The following FBN3 variants were observed in gnomAD, a reference collection of about 807,000 sequenced individuals.
FBN3 encodes fibrillin 3.
Under a neutral mutation model 330.1 loss-of-function variants are expected in FBN3, and 234 were observed. The ratio of observed to expected loss-of-function variants is 0.71; its 90% CI spans 0.64 to 0.79. The LOEUF (loss-of-function observed/expected upper bound fraction) is 0.79. Among genes scored for constraint, FBN3 ranks in the 30% least tolerant of loss-of-function variants. The pLI, the probability that FBN3 is intolerant of heterozygous loss-of-function variation, is 0.00. For synonymous variants in FBN3, 1,458 were observed against 1,517.3 expected, an observed-to-expected ratio of 0.96 and a Z score of 0.91; for missense variants, 3,606 against 3,886.9, an observed-to-expected ratio of 0.93 and a Z score of 1.92.
intron 10 of FBN3, 88 bp from the exon 11 acceptor site, chr19:8,136,619 C>G: frequency 6.4e-7 from 1 of 1,551,812 alleles, no homozygotes; most frequent in Non-Finnish European, 8.8e-7. Context: ...GGCCCAGATA[C>G]CCCCTCTAAG....
Position 8,095,392 on chromosome 19 carries a change from T to A in FBN3, c.5768A>T (p.Asp1923Val). 6.2e-7 allele frequency: 1 copy of A among 1,613,668 alleles called. No individual in the cohort carries two copies. The highest frequency in any genetic ancestry group is 8.5e-7 in the Non-Finnish European group (1 of 1,179,696). Residue 1923 changes from aspartate (D) to valine (V), a missense_variant, in exon 46 of 64, where the codon GAT (aspartate) becomes GTT (valine). Physicochemically the swap from Asp to Val is radical, Grantham distance 152 (BLOSUM62 -3). Coordinates refer to ENST00000600128, the MANE Select transcript of FBN3 (RefSeq NM_032447.5). The part of the protein sequence containing the change: ...LCQDGFELTA[D>V]GKNCVDTNEC... Reference sequence around the variant, plus strand: ...AGACTCACCCACACAGTTCTTCCCATCAGCTGTGAGCTCAAAGCCATCCTG... The same window carrying A: ...AGACTCACCCACACAGTTCTTCCCAACAGCTGTGAGCTCAAAGCCATCCTG...
At chr19:8,145,092 G>T in intron 5 of FBN3, 120 bp from the exon 6 acceptor site, 1 of 898,572 alleles carries the variant, frequency 1.1e-6, no homozygotes, top group Non-Finnish European at 1.7e-6. Context: ...ATAAGACTGA[G>T]GCTGAGCTGA....
Position 8,145,187 on chromosome 19 carries a change from AATATAG to A in FBN3, c.446-221_446-216del, listed in dbSNP as rs539271235. On this transcript the variant is annotated intron_variant, in intron 5 of 63. Transcript: ENST00000600128. ...TCAGGGGTTCGAGACCAGCCTGTCC[AATATAG>A]TGAAACCCCATCTTTACTAAAAATA... Among the ~76,000 whole-genome samples, 103 of 152,208 alleles carry A rather than the reference AATATAG, an allele frequency of 6.8e-4. 1 individual carries two copies. Among genetic ancestry groups the A allele is most frequent in the Non-Finnish European group, 1.1e-3 (72 of 68,002 alleles).
chr19:8,065,681 G>A lies in FBN3; in HGVS notation c.*238C>T, dbSNP rs1432016077. The A allele has an allele frequency of 2.7e-5, 14 of 517,330 alleles. No homozygotes were observed. In the East Asian group the frequency reaches 4.4e-4, roughly 16 times the overall value. The allele number at this position is 517,330 out of a possible 1,614,324, so 32.0% of individuals were successfully genotyped here. On this transcript the variant is annotated 3_prime_UTR_variant, in exon 64 of 64. Coordinates refer to ENST00000600128, the MANE Select transcript of FBN3 (RefSeq NM_032447.5). The stretch of plus-strand genomic sequence containing the variant: ...TCCTGACCTTGGCTGTGGGGGCAGG[G>A]GGATTGCACATTGCAGCTTCTTGCT...
At position 8,144,968 on chromosome 19, in the gene FBN3, G is replaced by A. The variant is rs767835948; in HGVS notation, c.450C>T (p.Ile150=). 9 of 1,608,620 alleles carry A rather than the reference G, an allele frequency of 5.6e-6. No individual in the cohort carries two copies. The African/African-American group carries it at 1.1e-4, about 19-fold the overall frequency. The change falls in exon 6 of 64, where the codon ATC becomes ATT. Residue 150 remains isoleucine (I), a synonymous_variant. Coordinates refer to ENST00000600128, the MANE Select transcript of FBN3 (RefSeq NM_032447.5). ...GYTGTVCGQP[I]CDRGCHNGGR... ...CCCCATTGTGGCAGCCGCGGTCACA[G>A]ATGGCTGTGGAGGAGAGAGGGTGAT...
chr19:8,099,273 T>C (rs1311978182), intron 41 of FBN3, among the ~76,000 whole-genome samples: 3 of 129,644 alleles, frequency 2.3e-5, no homozygotes, highest in African/African-American at 8.5e-5. Context: ...TTGTCATGGT[T>C]TGATTTTTTT....
rs1243325732 is a variant in FBN3 at position 8,081,481 on chromosome 19, C to G, written c.7214-1G>C. On this transcript the variant is annotated splice_acceptor_variant, in intron 57 of 63. Transcript: ENST00000600128. LOFTEE classifies it high-confidence loss of function. ...GGGACCTGGCTGCACTCATCCATAT[C>G]TGGGGAAGGACAGCGTGGGTAGTGG... 6.2e-7 allele frequency: 1 copy of G among 1,601,586 alleles called. No individual in the cohort carries two copies. The highest frequency in any genetic ancestry group is 2.2e-5 in the East Asian group (1 of 44,768).
At chr19:8,070,810 G>C (rs1427890557) in intron 63 of FBN3, among the ~76,000 whole-genome samples, 11 of 152,052 alleles carry the variant, frequency 7.2e-5, no homozygotes, top group Non-Finnish European at 1.5e-4. Flanking sequence ...ATCACCTGAG[G>C]TCAGGAGTTC....
intron 59 of FBN3, among the ~76,000 whole-genome samples, chr19:8,080,760 C>T (rs1488496463): frequency 6.6e-6 from 1 of 152,118 alleles, no homozygotes; most frequent in Non-Finnish European, 1.5e-5. Context: ...GCTGGGATTA[C>T]AGGCACCTGC....
Position 8,065,723 on chromosome 19 carries a change from G to A in FBN3, c.*196C>T, listed in dbSNP as rs1311478206. On this transcript the variant is annotated 3_prime_UTR_variant, in exon 64 of 64. Coordinates refer to ENST00000600128, the MANE Select transcript of FBN3 (RefSeq NM_032447.5). ...CTTCTTGCTGTCTCCAGGAAAGACT[G>A]AGTAACTGGGGGGCCCCCGGGGCTG... The A allele has an allele frequency of 8.7e-6, 5 of 573,500 alleles. No individual in the cohort carries two copies. Among genetic ancestry groups the A allele is most frequent in the South Asian group, 2.4e-5 (1 of 41,728 alleles). The allele number at this position is 573,500 out of a possible 1,614,324, so 35.5% of individuals were successfully genotyped here. A position where few individuals can be genotyped will look rare whatever the true frequency, so the allele number is the denominator to read the frequency against.
chr19:8,138,369 CCCCTCCTCACCCACAG>C, intron 9 of FBN3, 27 bp downstream of exon 9: 1 of 1,610,170 alleles, frequency 6.2e-7, no homozygotes, highest in Non-Finnish European at 8.5e-7. Context: ...CCTCCCCTGT[CCCCTCCTCACCCACAG>C]CCCTGCAGGC....
chr19:8,100,799 G>T, intron 41 of FBN3, 102 bp downstream of exon 41: 1 of 846,794 alleles, frequency 1.2e-6, no homozygotes, highest in Non-Finnish European at 2.0e-6. Flanking sequence ...GGAGGATGGA[G>T]GAGTGGATGT....
intron 38 of FBN3, 107 bp from the exon 39 acceptor site, chr19:8,103,794 T>C (rs2082381005): frequency 1.1e-5 from 12 of 1,142,076 alleles, no homozygotes; most frequent in Non-Finnish European, 1.5e-5. Flanking sequence ...GGACCTAAGT[T>C]TGGTTTCAAA....
At chr19:8,147,274 C>T (rs1479783368) in intron 2 of FBN3, 40 bp downstream of exon 2, 4 of 1,572,108 alleles carry the variant, frequency 2.5e-6, no homozygotes, top group Non-Finnish European at 3.4e-6. Context: ...CAGCCCAATC[C>T]ACACCGAAGG....
chr19:8,145,789 T>G (rs2083526741), intron 5 of FBN3, 54 bp downstream of exon 5: 2 of 1,367,474 alleles, frequency 1.5e-6, no homozygotes, highest in African/African-American at 2.9e-5. Context: ...AGACTAATAC[T>G]CTGGGATCAC....
At chr19:8,108,298 G>A (rs1285627091) in intron 36 of FBN3, 60 bp from the exon 37 acceptor site, 2 of 1,377,136 alleles carry the variant, frequency 1.5e-6, no homozygotes, top group African/African-American at 2.9e-5. Context: ...AGGGGAAACA[G>A]GGGAGCAACA....
Position 8,065,622 on chromosome 19 carries a change from G to T in FBN3, c.*297C>A. On this transcript the variant is annotated 3_prime_UTR_variant, in exon 64 of 64. Transcript: ENST00000600128. ...CAGTGCAGTACAGAAGTGAAAGCCT[G>T]AGATTGGCCAGACACGGTGACCACA... 2.4e-6 allele frequency: 1 copy of T among 423,816 alleles called. No individual in the cohort carries two copies. The allele number at this position is 423,816 out of a possible 1,614,324, so 26.3% of individuals were successfully genotyped here. A position where few individuals can be genotyped will look rare whatever the true frequency, so the allele number is the denominator to read the frequency against.
In FBN3 at chr19:8,115,607, C is replaced by T. The variant is rs1294601754; in HGVS notation, c.3746G>A (p.Cys1249Tyr). Reference sequence around the variant, plus strand: ...CGTGTTCTCGCAGTCCCCATGGAGGCAGATGTGAGGGTTCAGGTCACACTC... The same window carrying T: ...CGTGTTCTCGCAGTCCCCATGGAGGTAGATGTGAGGGTTCAGGTCACACTC... ...VDECDLNPHI[C>Y]LHGDCENTKG... Residue 1249 changes from cysteine to tyrosine, a missense_variant, in exon 30 of 64, where the codon TGC (cysteine) becomes TAC (tyrosine). Cys to Tyr is a radical substitution (Grantham distance 194). Transcript: ENST00000600128. The T allele has an allele frequency of 6.2e-7, 1 of 1,614,042 alleles. No individual in the cohort carries two copies.
rs372169996 is a variant in FBN3 at position 8,131,652 on chromosome 19, C to A, written c.1892G>T (p.Arg631Leu). ...YGAIEKGSCA[R>L]PFPGTVTKSE... Reference sequence around the variant, plus strand: ...CTTGGTGACAGTGCCAGGGAAGGGGCGGGCACAGGAGCCCTTCTCGATGGC... The same window carrying A: ...CTTGGTGACAGTGCCAGGGAAGGGGAGGGCACAGGAGCCCTTCTCGATGGC... Residue 631 changes from arginine to leucine, a missense_variant, in exon 15 of 64, where the codon CGC (arginine) becomes CTC (leucine). By Grantham distance (102) the Arg-to-Leu change is moderately radical (BLOSUM62 -2). Coordinates refer to ENST00000600128, the MANE Select transcript of FBN3 (RefSeq NM_032447.5). This position sits in a 1 kb window ranked among gnomAD's most constrained non-coding sequence, Gnocchi z 4.5. 2 of 1,614,042 alleles carry A rather than the reference C, an allele frequency of 1.2e-6. No homozygotes were observed. Among genetic ancestry groups the A allele is most frequent in the Non-Finnish European group, 1.7e-6 (2 of 1,180,004 alleles).
Sources: allele counts gnomAD v4.1 joint callset (sites outside exome capture counted in the v4.1 genomes callset), GRCh38; gene constraint gnomAD v4.1.1; non-coding constraint Gnocchi (gnomAD v3.1); transcripts MANE v1.5; gene names NCBI Gene and HGNC (gene_info 2026-07-23, HGNC 2026-07-21).